METTL15: variants seen among roughly 807,000 people sequenced by gnomAD.
METTL15 encodes 12S rRNA N(4)-cytidine methyltransferase METTL15.
METTL15 carries 34 observed loss-of-function variants against 38.3 expected under a neutral mutation model. The observed-to-expected ratio is 0.89, with a 90% CI of 0.68 to 1.18. The LOEUF (loss-of-function observed/expected upper bound fraction) is 1.18, where lower values mean the gene tolerates loss of function less well. Among genes scored for constraint, METTL15 ranks in the 50% most tolerant of loss-of-function variants. The probability of loss-of-function intolerance (pLI) is 0.00; values close to 1 mark genes in which losing one functional copy is unlikely to be tolerated. For synonymous variants in METTL15, 162 were observed against 170.9 expected (o/e 0.95, Z 0.41); for missense variants, 438 against 498.4 (o/e 0.88, Z 1.15).
chr11:28,155,593 G>A (rs1850237090), intron 3 of METTL15, among the ~76,000 whole-genome samples: 1 of 152,166 alleles, frequency 6.6e-6, no homozygotes, highest in South Asian at 2.1e-4. Context: ...AGGATAGGGA[G>A]ACCATATTGC....
intron 6 of METTL15, among the ~76,000 whole-genome samples, chr11:28,490,668 T>C (rs965957904): frequency 1.3e-5 from 2 of 152,126 alleles, no homozygotes; most frequent in African/African-American, 4.8e-5. Flanking sequence ...GAATACATTT[T>C]GAGAGGAAAA....
chr11:28,532,229 T>C, the METTL15 span, among the ~76,000 whole-genome samples: 5,438 of 152,096 alleles, frequency 0.036, 318 homozygotes, highest in African/African-American at 0.12. Flanking sequence ...TTTTGGTGGA[T>C]CACTTTTTGT....
intron 4 of METTL15, among the ~76,000 whole-genome samples, chr11:28,262,314 T>G (rs2133942109): frequency 6.6e-6 from 1 of 151,262 alleles, no homozygotes; most frequent in South Asian, 2.1e-4. Flanking sequence ...TATATATGAC[T>G]ACTATGTAAT....
chr11:28,296,098 A>G (rs1319525420), intron 5 of METTL15, among the ~76,000 whole-genome samples: 2 of 152,130 alleles, frequency 1.3e-5, no homozygotes, highest in African/African-American at 4.8e-5. Flanking sequence ...ATTACTATCT[A>G]GACTTGTTCA....
chr11:28,483,068 A>G (rs535766653), intron 6 of METTL15, among the ~76,000 whole-genome samples: 2 of 152,246 alleles, frequency 1.3e-5, no homozygotes, highest in African/African-American at 4.8e-5. Flanking sequence ...CCAGTCCCAA[A>G]CCAGGAACTG....
At chr11:28,195,167 G>A (rs1216529274) in intron 3 of METTL15, among the ~76,000 whole-genome samples, 1 of 152,056 alleles carries the variant, frequency 6.6e-6, no homozygotes, top group East Asian at 1.9e-4. Flanking sequence ...ACATATGCAT[G>A]TAGGTATCCT....
At chr11:28,213,156 T>G (rs967066257) in intron 4 of METTL15, among the ~76,000 whole-genome samples, 2 of 152,216 alleles carry the variant, frequency 1.3e-5, no homozygotes, top group Non-Finnish European at 2.9e-5. Context: ...AGACTTTTTT[T>G]ACTTCACTGA....
intron 4 of METTL15, among the ~76,000 whole-genome samples, chr11:28,285,280 C>T (rs780206021): frequency 6.6e-6 from 1 of 152,062 alleles, no homozygotes; most frequent in Non-Finnish European, 1.5e-5. Flanking sequence ...GTCCAACCCA[C>T]GGCCCAAAGA....
chr11:28,228,318 G>A (rs1295276938), intron 4 of METTL15, among the ~76,000 whole-genome samples: 2 of 150,646 alleles, frequency 1.3e-5, no homozygotes, highest in African/African-American at 4.9e-5. Context: ...CTTCAGCTCT[G>A]CTATTTACTC....
intron 5 of METTL15, among the ~76,000 whole-genome samples, chr11:28,367,847 A>G (rs552261801): frequency 1.1e-4 from 16 of 152,342 alleles, no homozygotes; most frequent in Middle Eastern, 3.4e-3. Flanking sequence ...CAATGGGGAA[A>G]AGATTCACTA....
At chr11:28,296,658 G>A (rs1856746313) in intron 5 of METTL15, 95 bp from the exon 6 acceptor site, 1 of 1,280,328 alleles carries the variant, frequency 7.8e-7, no homozygotes, top group South Asian at 1.3e-5. Context: ...TAGAGTATGT[G>A]TGTGTGTCTG....
intron 3 of METTL15, among the ~76,000 whole-genome samples, chr11:28,144,165 A>T (rs1407674532): frequency 6.6e-6 from 1 of 152,176 alleles, no homozygotes; most frequent in African/African-American, 2.4e-5. Context: ...TAATTAATTC[A>T]GGCAGGTATT....
At chr11:28,205,667 C>T (rs1313439884) in intron 3 of METTL15, among the ~76,000 whole-genome samples, 3 of 151,656 alleles carry the variant, frequency 2.0e-5, no homozygotes, top group Non-Finnish European at 4.4e-5. Flanking sequence ...TTCTAGATCC[C>T]TGAGGAATCG....
chr11:28,193,820 C>T (rs1565155712), intron 3 of METTL15, among the ~76,000 whole-genome samples: 2 of 152,116 alleles, frequency 1.3e-5, no homozygotes, highest in African/African-American at 4.8e-5. Flanking sequence ...TATCACTCCC[C>T]TTGGCACAGG....
intron 3 of METTL15, among the ~76,000 whole-genome samples, chr11:28,127,140 T>C (rs1186403624): frequency 6.6e-6 from 1 of 152,108 alleles, no homozygotes; most frequent in Non-Finnish European, 1.5e-5. Context: ...TGATTAAGTC[T>C]GCTTTTTAAA....
chr11:28,507,559 CT>C (rs746591618), intron 6 of METTL15, among the ~76,000 whole-genome samples: 2 of 152,132 alleles, frequency 1.3e-5, no homozygotes, highest in Non-Finnish European at 2.9e-5. Context: ...ATGTACATGG[CT>C]TCCCTTCTTT....
intron 5 of METTL15, among the ~76,000 whole-genome samples, chr11:28,391,318 G>A (rs976799144): frequency 5.3e-5 from 8 of 152,036 alleles, no homozygotes; most frequent in African/African-American, 7.2e-5. Flanking sequence ...AGTTTTCAAA[G>A]GGAATGCTTC....
intron 4 of METTL15, among the ~76,000 whole-genome samples, chr11:28,359,364 G>A (rs1850116710): frequency 6.6e-6 from 1 of 152,124 alleles, no homozygotes; most frequent in Non-Finnish European, 1.5e-5. Context: ...GCCATGTCTA[G>A]ACAGTGCTGC....
chr11:28,221,294 G>A (rs888854571), intron 4 of METTL15, among the ~76,000 whole-genome samples: 4 of 151,830 alleles, frequency 2.6e-5, no homozygotes, highest in Non-Finnish European at 5.9e-5. Context: ...TTCTCTTCTC[G>A]CTTCATTTCA....
Sources: allele counts gnomAD v4.1 joint callset (sites outside exome capture counted in the v4.1 genomes callset), GRCh38; gene constraint gnomAD v4.1.1; transcripts MANE v1.5; gene names NCBI Gene and HGNC (gene_info 2026-07-23, HGNC 2026-07-21).